The following BAZ2B variants were observed in gnomAD, a reference collection of about 807,000 sequenced individuals.
BAZ2B encodes the protein bromodomain adjacent to zinc finger domain protein 2B.
BAZ2B carries 91 observed loss-of-function variants against 246.0 expected under a neutral mutation model. The ratio of observed to expected loss-of-function variants is 0.37; its 90% confidence interval spans 0.31 to 0.44. BAZ2B has a LOEUF of 0.44. Among genes scored for constraint, BAZ2B ranks in the 20% least tolerant of loss-of-function variants. The pLI is 1.00. For synonymous variants in BAZ2B, 855 were observed against 860.0 expected (o/e 0.99, Z 0.10); for missense variants, 2,332 against 2,533.7 (o/e 0.92, Z 1.71).
At chr2:159,334,593 T>A (rs957680707) in intron 33 of BAZ2B, among the ~76,000 whole-genome samples, 3 of 152,214 alleles carry the variant, frequency 2.0e-5, no homozygotes, top group Non-Finnish European at 2.9e-5. Context: ...TGCCTTCTTT[T>A]CAAGGTAGTT....
intron 1 of BAZ2B, 109 bp downstream of exon 1, chr2:159,616,133 C>G (rs991912129): frequency 1.3e-5 from 2 of 152,224 alleles, no homozygotes; most frequent in Admixed American, 6.5e-5. Flanking sequence ...ACTCCGGAGT[C>G]CCCCGCTTGC....
chr2:159,555,067 G>C (rs924996498), intron 2 of BAZ2B, among the ~76,000 whole-genome samples: 64 of 88,324 alleles, frequency 7.2e-4, no homozygotes, highest in African/African-American at 4.5e-3. Context: ...GTGTATGTGG[G>C]GGGTGTGTGT....
chr2:159,366,882 G>A (rs2060270085), intron 27 of BAZ2B, among the ~76,000 whole-genome samples: 2 of 152,114 alleles, frequency 1.3e-5, no homozygotes, highest in African/African-American at 4.8e-5. Flanking sequence ...TGCAGATGGG[G>A]ACGCATATAT....
In BAZ2B at chr2:159,602,815, T is replaced by G. The variant is rs1692471281; in HGVS notation, c.-46+13427A>C. Among the ~76,000 whole-genome samples, 4 of 152,360 alleles carry G rather than the reference T, an allele frequency of 2.6e-5. No individual in the cohort carries two copies. In the Middle Eastern group the frequency reaches 0.01, roughly 389 times the overall value. ...TAGAATAAAAAAAGCTGAGGGATGT[T>G]TGATGATATTTCATCCCATCATATA... On this transcript the variant is annotated intron_variant, in intron 1 of 36. Coordinates refer to ENST00000392783, the MANE Select transcript of BAZ2B (RefSeq NM_013450.4).
intron 2 of BAZ2B, 37 bp from the exon 3 acceptor site, chr2:159,478,758 TA>T: frequency 3.6e-6 from 5 of 1,392,926 alleles, no homozygotes; most frequent in Non-Finnish European, 4.7e-6. Context: ...CAGTATCAGA[TA>T]AAAAATTTTT....
chr2:159,560,997 G>A (rs139053279), intron 1 of BAZ2B, among the ~76,000 whole-genome samples: 1 of 152,274 alleles, frequency 6.6e-6, no homozygotes, highest in African/African-American at 2.4e-5. Context: ...GTGACAATGT[G>A]ATCTATCCAG....
chr2:159,699,004 T>C, the BAZ2B span, among the ~76,000 whole-genome samples: 1 of 152,204 alleles, frequency 6.6e-6, no homozygotes, highest in African/African-American at 2.4e-5. Flanking sequence ...TGTCTGCTCA[T>C]TATTTCAACA....
intron 30 of BAZ2B, 140 bp downstream of exon 30, chr2:159,348,538 T>C (rs1450930463): frequency 5.0e-6 from 5 of 997,352 alleles, no homozygotes; most frequent in Non-Finnish European, 5.6e-6. Context: ...CTTTGACTGT[T>C]TGATCTGCGA....
At chr2:159,677,842 T>C in the BAZ2B span, among the ~76,000 whole-genome samples, 1 of 152,196 alleles carries the variant, frequency 6.6e-6, no homozygotes. Flanking sequence ...GAATTAAACT[T>C]AAAGCTGCAT....
intron 27 of BAZ2B, among the ~76,000 whole-genome samples, chr2:159,372,770 A>G (rs1425418660): frequency 1.3e-5 from 2 of 152,368 alleles, no homozygotes; most frequent in East Asian, 1.9e-4. Context: ...AGCAGCTATA[A>G]AAGGTAATAT....
chr2:159,421,743 C>T (rs568840603), intron 13 of BAZ2B, among the ~76,000 whole-genome samples: 57 of 151,908 alleles, frequency 3.8e-4, no homozygotes, highest in African/African-American at 1.2e-3. Context: ...AAAATATCCA[C>T]GGTATTCAAC....
chr2:159,421,454 T>C lies in BAZ2B; in HGVS notation c.2466+6487A>G, dbSNP rs112442241. Among the ~76,000 whole-genome samples the C allele has an allele frequency of 2.6e-3, 398 of 152,214 alleles. 3 individuals carry two copies. The highest frequency in any genetic ancestry group is 8.9e-3 in the African/African-American group (371 of 41,540). On this transcript the variant is annotated intron_variant, in intron 13 of 36. Transcript: ENST00000392783. ...CCTCCCAAAGTGTTGGGATTACAGG[T>C]ATGAGCCACTGTGCTGGGCCTTTTA...
At chr2:159,639,493 G>A in the BAZ2B span, among the ~76,000 whole-genome samples, 9 of 152,074 alleles carry the variant, frequency 5.9e-5, no homozygotes, top group South Asian at 1.4e-3. Flanking sequence ...GACATAGACA[G>A]TTAGAGTGAA....
the BAZ2B span, among the ~76,000 whole-genome samples, chr2:159,688,018 T>G: frequency 6.6e-6 from 1 of 152,204 alleles, no homozygotes; most frequent in Non-Finnish European, 1.5e-5. Context: ...CTTAAATTAT[T>G]ATAAAGTAAA....
chr2:159,402,084 T>C (rs2065162772), intron 16 of BAZ2B, among the ~76,000 whole-genome samples: 1 of 152,232 alleles, frequency 6.6e-6, no homozygotes, highest in Admixed American at 6.5e-5. Flanking sequence ...TTTACAAGAC[T>C]GATCACATTC....
chr2:159,394,856 T>C (rs1374517172), intron 20 of BAZ2B, among the ~76,000 whole-genome samples: 2 of 152,166 alleles, frequency 1.3e-5, no homozygotes, highest in Non-Finnish European at 2.9e-5. Context: ...AGCTGGAAAG[T>C]AATGAAACCA....
chr2:159,374,776 T>C (rs992214759), intron 25 of BAZ2B, 23 bp from the exon 26 acceptor site: 2 of 1,592,940 alleles, frequency 1.3e-6, no homozygotes, highest in Non-Finnish European at 1.7e-6. Flanking sequence ...AAATACAGTG[T>C]CATTTATCTG....
intron 2 of BAZ2B, among the ~76,000 whole-genome samples, chr2:159,480,394 A>G (rs2079100844): frequency 1.3e-5 from 2 of 152,272 alleles, no homozygotes; most frequent in South Asian, 4.1e-4. Flanking sequence ...TTTTTATAGG[A>G]TAATATGCTA....
At chr2:159,655,040 T>A in the BAZ2B span, among the ~76,000 whole-genome samples, 6 of 152,094 alleles carry the variant, frequency 3.9e-5, no homozygotes, top group Non-Finnish European at 2.9e-5. Context: ...AAGAGAGGAA[T>A]TAAAATAAAA....
Sources: gnomAD v4.1 joint callset for allele counts (sites outside exome capture counted in the v4.1 genomes callset) on GRCh38, gnomAD v4.1.1 for gene constraint, MANE v1.5 for transcripts, NCBI Gene and HGNC (gene_info 2026-07-23, HGNC 2026-07-21) for gene names.